MTSS1: variants seen among roughly 807,000 people sequenced by gnomAD.
MTSS1 encodes protein MTSS 1.
In MTSS1, 18 loss-of-function variants were observed where a neutral mutation model predicts 79.0. The observed-to-expected ratio is 0.23, with a 90% CI of 0.16 to 0.34. MTSS1 has a LOEUF of 0.34. Among genes scored for constraint, MTSS1 ranks in the 10% least tolerant of loss-of-function variants. The pLI, the probability that MTSS1 is intolerant of heterozygous loss-of-function variation, is 1.00. For synonymous variants in MTSS1, 341 were observed against 368.6 expected, an observed-to-expected ratio of 0.93 and a Z score of 0.86; for missense variants, 815 against 986.2, an observed-to-expected ratio of 0.83 and a Z score of 2.33.
intron 10 of MTSS1, among the ~76,000 whole-genome samples, chr8:124,562,460 A>T (rs1007302824): frequency 6.6e-6 from 1 of 152,198 alleles, no homozygotes; most frequent in African/African-American, 2.4e-5. Flanking sequence ...CTTTAATTAT[A>T]GCATTTAATT....
At chr8:124,672,889 A>G (rs1251909447) in intron 3 of MTSS1, among the ~76,000 whole-genome samples, 2 of 151,152 alleles carry the variant, frequency 1.3e-5, no homozygotes, top group Non-Finnish European at 3.0e-5. Context: ...ACACACACAC[A>G]TGCACACACA....
At chr8:124,659,169 TC>T (rs1322530095) in intron 3 of MTSS1, among the ~76,000 whole-genome samples, 1 of 151,072 alleles carries the variant, frequency 6.6e-6, no homozygotes, top group Admixed American at 6.6e-5. Context: ...CATGGATGAT[TC>T]GATGAAATGA....
chr8:124,565,128 C>A (rs945093437), intron 9 of MTSS1, among the ~76,000 whole-genome samples: 1 of 152,184 alleles, frequency 6.6e-6, no homozygotes, highest in African/African-American at 2.4e-5. Flanking sequence ...AGATTTTGTT[C>A]CAATAGGGAA....
chr8:124,707,632 C>G lies in MTSS1; in HGVS notation c.73-3441G>C, dbSNP rs185386172. Among the ~76,000 whole-genome samples, 261 of 151,992 alleles carry G rather than the reference C, an allele frequency of 1.7e-3. 3 individuals carry two copies. The highest frequency in any genetic ancestry group is 6.1e-3 in the African/African-American group (252 of 41,466). ...GCTGAAGCAGAGAATTGCTTGAACC[C>G]GGAAAGTGGAGGTTGCATTGAGCCG... On this transcript the variant is annotated intron_variant, in intron 1 of 13. Transcript: ENST00000518547.
In MTSS1 at chr8:124,555,797, G is replaced by C. The variant is rs781338086; in HGVS notation, c.1512C>G (p.Gly504=). The C allele has an allele frequency of 1.2e-6, 2 of 1,613,514 alleles. No individual in the cohort carries two copies. The highest frequency in any genetic ancestry group is 4.5e-5 in the East Asian group (2 of 44,866). ...SSRDSLQCSS[G]YSTQTTTPCC... is the part of the protein sequence containing the mutation. Reference sequence around the variant, plus strand: ...AGGGGGTGGTTGTCTGGGTGCTGTAGCCGCTGGAGCACTGAAGCGAGTCCC... The same window carrying C: ...AGGGGGTGGTTGTCTGGGTGCTGTACCCGCTGGAGCACTGAAGCGAGTCCC... Residue 504 remains glycine (G), a synonymous_variant, in exon 13 of 14, where the codon GGC becomes GGG. Transcript: ENST00000518547.
chr8:124,562,157 G>A (rs187622943), intron 10 of MTSS1, among the ~76,000 whole-genome samples: 1 of 152,296 alleles, frequency 6.6e-6, no homozygotes, highest in African/African-American at 2.4e-5. Flanking sequence ...CAGATGCCCT[G>A]GCCAGCTCCT....
intron 3 of MTSS1, among the ~76,000 whole-genome samples, chr8:124,629,798 C>G (rs1003523055): frequency 1.1e-4 from 17 of 152,216 alleles, no homozygotes; most frequent in Admixed American, 1.1e-3. Flanking sequence ...AGGCCACCCC[C>G]CTCCATCTGG....
At chr8:124,610,450 C>A (rs979127758) in intron 3 of MTSS1, among the ~76,000 whole-genome samples, 2 of 152,154 alleles carry the variant, frequency 1.3e-5, no homozygotes, top group African/African-American at 4.8e-5. Flanking sequence ...CACTTGGCTG[C>A]GCATAAAGAA....
At chr8:124,633,701 C>T (rs943852318) in intron 3 of MTSS1, among the ~76,000 whole-genome samples, 2 of 151,388 alleles carry the variant, frequency 1.3e-5, no homozygotes, top group African/African-American at 2.4e-5. Context: ...ACCCAGGAGG[C>T]GGAGGTTGCA....
chr8:124,626,171 C>A (rs1356964974), intron 3 of MTSS1, among the ~76,000 whole-genome samples: 1 of 152,206 alleles, frequency 6.6e-6, no homozygotes. Context: ...ATACAAAGGG[C>A]TATGGGACAG....
At chr8:124,607,385 CCTCT>C (rs1468995188) in intron 3 of MTSS1, among the ~76,000 whole-genome samples, 3 of 152,228 alleles carry the variant, frequency 2.0e-5, no homozygotes, top group Non-Finnish European at 2.9e-5. Context: ...TTCTTCTCCT[CCTCT>C]CTATCTCTTC....
chr8:124,554,026 G>A (rs1823050038), intron 13 of MTSS1, among the ~76,000 whole-genome samples: 1 of 152,230 alleles, frequency 6.6e-6, no homozygotes, highest in Admixed American at 6.5e-5. Flanking sequence ...GATGAAAGAA[G>A]ACAAATTCTC....
At position 124,582,347 on chromosome 8, in the gene MTSS1, T is replaced by C. The variant is rs1443281761; in HGVS notation, c.460+2740A>G. Reference sequence around the variant, plus strand: ...TATATAGTAAGAAAGAGTCGAAGAATGTGATAAAAGGTGGTATCTGCAGAG... The same window carrying C: ...TATATAGTAAGAAAGAGTCGAAGAACGTGATAAAAGGTGGTATCTGCAGAG... On this transcript the variant is annotated intron_variant, in intron 6 of 13. Coordinates refer to ENST00000518547, the MANE Select transcript of MTSS1 (RefSeq NM_014751.6). The surrounding 1 kb of genome is among the most constrained non-coding windows in gnomAD (Gnocchi z 4.8). Among the ~76,000 whole-genome samples, 1 of 152,088 alleles carries C rather than the reference T, an allele frequency of 6.6e-6. No individual in the cohort carries two copies. The highest frequency in any genetic ancestry group is 6.6e-5 in the Admixed American group (1 of 15,264).
intron 3 of MTSS1, among the ~76,000 whole-genome samples, chr8:124,691,851 T>C (rs1827992996): frequency 6.6e-6 from 1 of 152,134 alleles, no homozygotes; most frequent in African/African-American, 2.4e-5. Context: ...ATGAAGAAAT[T>C]TGACTACATT....
intron 3 of MTSS1, among the ~76,000 whole-genome samples, chr8:124,611,783 G>A (rs1260251967): frequency 1.3e-5 from 2 of 152,204 alleles, no homozygotes; most frequent in Non-Finnish European, 2.9e-5. Context: ...TATCAGTAAT[G>A]TCTACCATCC....
At chr8:124,694,744 C>T (rs1230780825) in intron 3 of MTSS1, among the ~76,000 whole-genome samples, 2 of 152,078 alleles carry the variant, frequency 1.3e-5, no homozygotes, top group African/African-American at 4.8e-5. Flanking sequence ...CTGTAATAGC[C>T]ACGTGCTGGT....
At chr8:124,578,244 C>T (rs887036326) in intron 6 of MTSS1, among the ~76,000 whole-genome samples, 26 of 152,076 alleles carry the variant, frequency 1.7e-4, no homozygotes, top group Non-Finnish European at 2.6e-4. Context: ...CTTGGTGGGA[C>T]GACAGCCCTG....
intron 6 of MTSS1, among the ~76,000 whole-genome samples, chr8:124,570,933 A>G (rs995357459): frequency 1.3e-5 from 2 of 152,138 alleles, no homozygotes; most frequent in African/African-American, 4.8e-5. Context: ...TCAGCCTCCC[A>G]AAGTGCTGGG....
chr8:124,633,439 C>T (rs4871525), intron 3 of MTSS1, among the ~76,000 whole-genome samples: 35,081 of 151,980 alleles, frequency 0.23, 5,449 homozygotes, highest in African/African-American at 0.44. Flanking sequence ...GACTCTTATT[C>T]CTAAAAGGAA....
Sources: gnomAD v4.1 joint callset for allele counts (sites outside exome capture counted in the v4.1 genomes callset) on GRCh38, gnomAD v4.1.1 for gene constraint, Gnocchi (gnomAD v3.1) non-coding constraint, MANE v1.5 for transcripts, NCBI Gene and HGNC (gene_info 2026-07-23, HGNC 2026-07-21) for gene names.